The following CAMK2G variants were observed in gnomAD, a reference collection of about 807,000 sequenced individuals.
The protein encoded by CAMK2G is calcium/calmodulin-dependent protein kinase type II subunit gamma.
A neutral mutation model predicts 88.7 loss-of-function variants in CAMK2G; 23 were observed. The ratio of observed to expected loss-of-function variants is 0.26; its 90% confidence interval spans 0.19 to 0.37. CAMK2G has a LOEUF of 0.37. Among genes scored for constraint, CAMK2G ranks in the 10% least tolerant of loss-of-function variants. The pLI, the probability that CAMK2G is intolerant of heterozygous loss-of-function variation, is 1.00. For missense variants in CAMK2G, 476 were observed against 780.8 expected (o/e 0.61, Z 4.65); for synonymous variants, 263 against 294.8 (o/e 0.89, Z 1.11).
intron 14 of CAMK2G, among the ~76,000 whole-genome samples, chr10:73,832,686 C>T (rs564008567): frequency 1.3e-4 from 20 of 152,268 alleles, no homozygotes; most frequent in East Asian, 7.7e-4. Flanking sequence ...AATATCCCTA[C>T]GGTCATGAAA....
intron 16 of CAMK2G, 88 bp from the exon 17 acceptor site, chr10:73,824,172 C>G (rs886733327): frequency 1.1e-6 from 1 of 949,786 alleles, no homozygotes; most frequent in African/African-American, 1.6e-5. Flanking sequence ...CCAGGACCCC[C>G]GCAGACCCTA....
At chr10:73,840,419 G>C (rs1195202722) in intron 12 of CAMK2G, among the ~76,000 whole-genome samples, 1 of 152,188 alleles carries the variant, frequency 6.6e-6, no homozygotes, top group Admixed American at 6.5e-5. Context: ...CTTCTTGATT[G>C]CATCCATAGA....
rs1166533591 is a variant in CAMK2G, at chr10:73,820,492, A to ATTTTT, written c.1250-852_1250-848dup. On this transcript the variant is annotated intron_variant, in intron 18 of 22. Transcript: ENST00000423381. ...TATATATATATATATATATATATAT[A>ATTTTT]TTTTTTTTTTTTTTTTTTTCTTGAG... 3.7e-3 allele frequency among the ~76,000 whole-genome samples: 190 copies of ATTTTT among 51,056 alleles called. 2 individuals are homozygous for ATTTTT. Among genetic ancestry groups the ATTTTT allele is most frequent in the African/African-American group, 4.4e-3 (50 of 11,284 alleles). 33.5% of individuals were successfully genotyped at this position (51,056 alleles called of 152,430 possible).
intron 2 of CAMK2G, among the ~76,000 whole-genome samples, chr10:73,871,414 C>G (rs775074776): frequency 2.6e-5 from 4 of 152,182 alleles, no homozygotes; most frequent in African/African-American, 4.8e-5. Context: ...CTCTCCTTCT[C>G]TTACCCATGG....
chr10:73,814,933 C>A, intron 22 of CAMK2G, 70 bp downstream of exon 22: 1 of 1,087,170 alleles, frequency 9.2e-7, no homozygotes, highest in Non-Finnish European at 1.3e-6. Context: ...ACCTCCCAGC[C>A]TTCTCTTCTT....
chr10:73,825,442 G>A, intron 15 of CAMK2G, 95 bp from the exon 16 acceptor site: 1 of 924,024 alleles, frequency 1.1e-6, no homozygotes, highest in Non-Finnish European at 1.8e-6. Context: ...GTCTGGCCTG[G>A]AGGAGGTAGG....
rs774341357 is a variant in CAMK2G at position 73,821,698 on chromosome 10, T to A, written c.1233A>T (p.Glu411Asp). The A allele has an allele frequency of 1.2e-5, 20 of 1,611,730 alleles. No individual in the cohort carries two copies. The highest frequency in any genetic ancestry group is 1.5e-5 in the Non-Finnish European group (18 of 1,179,026). Residue 411 changes from glutamate to aspartate, a missense_variant, in exon 18 of 23, where the codon GAA (glutamate) becomes GAT (aspartate). By Grantham distance (45) the Glu-to-Asp change is conservative. This residue lies in a region of CAMK2G where 278 missense variants were observed against 366.5 expected (regional missense o/e 0.76). Coordinates refer to ENST00000423381, the MANE Select transcript of CAMK2G (RefSeq NM_001367534.1). ...AGCACCTACCTTTGAGGTCCTCATC[T>A]TCTGTGGTGGTGTTGCAGCTCTCTG... is the stretch of plus-strand genomic sequence containing the variant. ...GSTESCNTTT[E>D]DEDLKAAPLR...
At chr10:73,824,012 G>C (rs371763145) in intron 17 of CAMK2G, 28 bp downstream of exon 17, 92 of 1,599,612 alleles carry the variant, frequency 5.8e-5, no homozygotes, top group Non-Finnish European at 7.8e-5. Flanking sequence ...GACCTGGAAA[G>C]CAGGAGGCAG....
chr10:73,820,488 ATATATTT>A (rs1162245816), intron 18 of CAMK2G, among the ~76,000 whole-genome samples: 34 of 46,534 alleles, frequency 7.3e-4, no homozygotes, highest in Admixed American at 1.5e-3. Flanking sequence ...ATATATATAT[ATATATTT>A]TTTTTTTTTT....
At chr10:73,863,332 C>T (rs954820740) in intron 2 of CAMK2G, among the ~76,000 whole-genome samples, 2 of 152,204 alleles carry the variant, frequency 1.3e-5, no homozygotes, top group African/African-American at 2.4e-5. Flanking sequence ...GTCCCAGGCA[C>T]AGGGATGTGG....
rs1301956090 is a variant in CAMK2G at position 73,873,044 on chromosome 10, G to C, written c.105C>G (p.Thr35=). The change falls in exon 2 of 23, where the codon ACC becomes ACG. Residue 35 remains threonine (T), a synonymous_variant. Transcript: ENST00000423381. ...TTTTTGCTGCGTACTCCTGCGTGGA[G>C]GTTTTCTTCACACACCTGCGGACCA... ...FSVVRRCVKK[T]STQEYAAKII... 1 of 1,613,640 alleles carries C rather than the reference G, an allele frequency of 6.2e-7. No homozygotes were observed. The highest frequency in any genetic ancestry group is 1.3e-5 in the African/African-American group (1 of 74,868).
In CAMK2G at chr10:73,820,663, A is replaced by ATTTTTTTTTTTTTT. The variant is rs1198716305; in HGVS notation, c.1249+1005_1249+1018dup. On this transcript the variant is annotated intron_variant, in intron 18 of 22. Coordinates refer to ENST00000423381, the MANE Select transcript of CAMK2G (RefSeq NM_001367534.1). ...AGGACCCCGCCACCACACCCGGCTA[A>ATTTTTTTTTTTTTT]TTTTTTTTTTTTTTTTTTTTTTTTT... 2.1e-3 allele frequency among the ~76,000 whole-genome samples: 99 copies of ATTTTTTTTTTTTTT among 46,130 alleles called. 7 individuals are homozygous for ATTTTTTTTTTTTTT. The highest frequency in any genetic ancestry group is 2.8e-3 in the Non-Finnish European group (82 of 29,314). The allele number at this position is 46,130 out of a possible 152,430, so 30.3% of individuals were successfully genotyped here.
In CAMK2G at chr10:73,849,306, A is replaced by G. The variant is rs772479695; in HGVS notation, c.369T>C (p.Ser123=). 5 of 1,613,690 alleles carry G rather than the reference A, an allele frequency of 3.1e-6. No homozygotes were observed. The highest frequency in any genetic ancestry group is 2.2e-5 in the South Asian group (2 of 91,058). Reference sequence around the variant, plus strand: ...TGTCATGCTGGTGGATGTGGTTAACACTCTCCAGAATCTGATGTATACAGT... The same window carrying G: ...TGTCATGCTGGTGGATGTGGTTAACGCTCTCCAGAATCTGATGTATACAGT... ...ASHCIHQILE[S]VNHIHQHDIV... The change falls in exon 6 of 23, where the codon AGT becomes AGC. Residue 123 remains serine (S), a synonymous_variant. Transcript: ENST00000423381.
rs2094408225 is a variant in CAMK2G at position 73,848,519 on chromosome 10, G to A, written c.601+7C>T. On this transcript the variant is annotated splice_region_variant and intron_variant, in intron 8 of 22. Transcript: ENST00000423381. This position sits in a 1 kb window ranked among gnomAD's most constrained non-coding sequence, Gnocchi z 4.5. Reference sequence around the variant, plus strand: ...AGCGAAAAGCTGAGAGCGTGGAATGGGCTTACCGCAGGCCCAGATATCCAC... The same window carrying A: ...AGCGAAAAGCTGAGAGCGTGGAATGAGCTTACCGCAGGCCCAGATATCCAC... 6.3e-7 allele frequency: 1 copy of A among 1,599,262 alleles called. No individual in the cohort carries two copies. The highest frequency in any genetic ancestry group is 1.3e-5 in the African/African-American group (1 of 74,628).
Position 73,848,623 on chromosome 10 carries a change from G to T in CAMK2G, c.518-14C>A. ...TGCCAGCAAAACCTGTAGCAAAAGA[G>T]AGGGCAGAGGCATACTGAACCCACT... is the stretch of plus-strand genomic sequence containing the variant. On this transcript the variant is annotated splice_polypyrimidine_tract_variant and intron_variant, in intron 7 of 22. Coordinates refer to ENST00000423381, the MANE Select transcript of CAMK2G (RefSeq NM_001367534.1). The surrounding 1 kb of genome is among the most constrained non-coding windows in gnomAD (Gnocchi z 4.5). 6.5e-6 allele frequency: 10 copies of T among 1,540,932 alleles called. No individual in the cohort carries two copies. The highest frequency in any genetic ancestry group is 8.9e-6 in the Non-Finnish European group (10 of 1,118,472).
intron 5 of CAMK2G, 78 bp from the exon 6 acceptor site, chr10:73,849,411 C>T: frequency 9.7e-7 from 1 of 1,030,036 alleles, no homozygotes. Context: ...ATGCTGCAGA[C>T]TAAGGCATGT....
intron 15 of CAMK2G, 118 bp from the exon 16 acceptor site, chr10:73,825,465 T>C: frequency 1.3e-6 from 1 of 751,860 alleles, no homozygotes; most frequent in Non-Finnish European, 2.4e-6. Context: ...TGAGGTGGCC[T>C]CCATAACGCT....
intron 9 of CAMK2G, among the ~76,000 whole-genome samples, chr10:73,847,626 G>T (rs1042346418): frequency 6.6e-6 from 1 of 152,204 alleles, no homozygotes; most frequent in African/African-American, 2.4e-5. Context: ...TCTATACTTA[G>T]GAGGGAACAG....
At position 73,839,234 on chromosome 10, in the gene CAMK2G, G is replaced by A. The variant is rs2093541467; in HGVS notation, c.1009+305C>T. ...GGCAATGCCCAGCACTGTCTCTGAG[G>A]GCCCACTGTTGGCTGCAGCCCTCCC... On this transcript the variant is annotated intron_variant, in intron 13 of 22. Transcript: ENST00000423381. This position sits in a 1 kb window ranked among gnomAD's most constrained non-coding sequence, Gnocchi z 4.2. Among the ~76,000 whole-genome samples the A allele has an allele frequency of 6.6e-6, 1 of 152,228 alleles. No homozygotes were observed. The highest frequency in any genetic ancestry group is 6.5e-5 in the Admixed American group (1 of 15,290).
Sources: gnomAD v4.1 joint callset for allele counts (sites outside exome capture counted in the v4.1 genomes callset) on GRCh38, gnomAD v4.1.1 for gene constraint, gnomAD v4.1.1 regional missense constraint, Gnocchi (gnomAD v3.1) non-coding constraint, MANE v1.5 for transcripts, NCBI Gene and HGNC (gene_info 2026-07-23, HGNC 2026-07-21) for gene names.